The following ACYP2 variants were observed in gnomAD, a reference collection of about 807,000 sequenced individuals.
The protein encoded by ACYP2 is acylphosphatase-2.
A neutral mutation model predicts 11.2 loss-of-function variants in ACYP2; 12 were observed. The observed-to-expected ratio is 1.08, with a 90% CI of 0.69 to 1.74. The LOEUF is 1.74. ACYP2 is among the 40% of genes most tolerant of loss of function. The pLI, the probability that ACYP2 is intolerant of heterozygous loss-of-function variation, is 0.00. For missense variants in ACYP2, 134 were observed against 101.9 expected, an observed-to-expected ratio of 1.31 and a Z score of -1.35; for synonymous variants, 43 against 32.2, an observed-to-expected ratio of 1.33 and a Z score of -1.13.
At chr2:54,038,437 A>C (rs1008164488) in intron 2 of ACYP2, among the ~76,000 whole-genome samples, 1 of 151,876 alleles carries the variant, frequency 6.6e-6, no homozygotes, top group Non-Finnish European at 1.5e-5. Context: ...TATGTATTTT[A>C]TTTACTTAAC....
chr2:54,136,349 T>A (rs1270082840), intron 5 of ACYP2, among the ~76,000 whole-genome samples: 4 of 152,170 alleles, frequency 2.6e-5, no homozygotes, highest in East Asian at 3.8e-4. Context: ...TTAATTTTTT[T>A]AAAGTACTCC....
chr2:54,010,963 G>A (rs921077431), intron 2 of ACYP2, among the ~76,000 whole-genome samples: 3 of 151,716 alleles, frequency 2.0e-5, no homozygotes, highest in Admixed American at 1.3e-4. Context: ...ACTACCACAC[G>A]CGGCCCCTCC....
chr2:53,973,853 A>ATGTGTGTGTG (rs1327140471), intron 2 of ACYP2: 1 of 113,396 alleles, frequency 8.8e-6, no homozygotes, highest in Non-Finnish European at 1.5e-5. Context: ...TGGGATATAT[A>ATGTGTGTGTG]TATGTGTGTG....
At chr2:53,976,840 C>G (rs544550509) in intron 2 of ACYP2, among the ~76,000 whole-genome samples, 5 of 152,198 alleles carry the variant, frequency 3.3e-5, no homozygotes, top group African/African-American at 2.4e-5. Flanking sequence ...TTATTTTAGG[C>G]ATTTGTTAGG....
chr2:54,278,301 A>G (rs574252887), intron 6 of ACYP2, among the ~76,000 whole-genome samples: 130 of 152,330 alleles, frequency 8.5e-4, no homozygotes, highest in African/African-American at 3.1e-3. Context: ...TCAATAAACA[A>G]TGCCAGGTTT....
intron 4 of ACYP2, among the ~76,000 whole-genome samples, chr2:54,113,401 G>A (rs2103721909): frequency 6.6e-6 from 1 of 152,094 alleles, no homozygotes; most frequent in Middle Eastern, 3.4e-3. Context: ...GGCCACCACA[G>A]CCAGGTAATT....
chr2:54,300,610 G>T (rs925430616), intron 6 of ACYP2, among the ~76,000 whole-genome samples: 6 of 152,154 alleles, frequency 3.9e-5, no homozygotes, highest in African/African-American at 1.4e-4. Flanking sequence ...GTCCAATCTT[G>T]TCTCCTTTCC....
intron 6 of ACYP2, among the ~76,000 whole-genome samples, chr2:54,156,032 A>T (rs1224194886): frequency 2.6e-5 from 4 of 152,166 alleles, no homozygotes; most frequent in African/African-American, 9.6e-5. Context: ...TATATTTGAT[A>T]CCTTTTATAT....
chr2:53,976,318 C>T (rs112323211), intron 2 of ACYP2, among the ~76,000 whole-genome samples: 15,777 of 152,162 alleles, frequency 0.1, 1,076 homozygotes, highest in Middle Eastern at 0.21. Context: ...AGTGATTCTC[C>T]CACTTTGGCC....
chr2:54,239,001 C>A (rs1686618245), intron 6 of ACYP2, among the ~76,000 whole-genome samples: 1 of 151,820 alleles, frequency 6.6e-6, no homozygotes, highest in South Asian at 2.1e-4. Context: ...GGCAAAAATC[C>A]CAACTCTGGT....
chr2:54,206,892 GC>G (rs1685094310), intron 6 of ACYP2, among the ~76,000 whole-genome samples: 1 of 152,084 alleles, frequency 6.6e-6, no homozygotes, highest in Non-Finnish European at 1.5e-5. Context: ...TTTGATGGTA[GC>G]CAATGTTTTT....
intron 6 of ACYP2, among the ~76,000 whole-genome samples, chr2:54,165,523 T>TCACACA (rs1396260548): frequency 6.2e-5 from 8 of 128,720 alleles, no homozygotes; most frequent in African/African-American, 3.0e-4. Context: ...TCACTCTCTC[T>TCACACA]CTCTCTCTCT....
At chr2:54,122,543 A>G (rs574740033) in intron 4 of ACYP2, among the ~76,000 whole-genome samples, 17 of 152,364 alleles carry the variant, frequency 1.1e-4, no homozygotes, top group African/African-American at 3.4e-4. Flanking sequence ...AAGCCCATAG[A>G]TAAATCTCCT....
intron 2 of ACYP2, among the ~76,000 whole-genome samples, chr2:54,003,647 C>G (rs765618925): frequency 2.6e-5 from 4 of 152,170 alleles, no homozygotes; most frequent in African/African-American, 9.7e-5. Context: ...TGTAAGGTAT[C>G]TTGTTTTTTT....
intron 4 of ACYP2, 76 bp downstream of exon 1, chr2:54,115,832 A>C (rs947089347): frequency 1.9e-5 from 27 of 1,428,788 alleles, no homozygotes; most frequent in Admixed American, 2.8e-5. Context: ...AGCGCCTCCC[A>C]CCTAAAGTAT....
rs1169547989 is a variant in ACYP2 at position 54,219,905 on chromosome 2, A to ATTTTTT, written c.404+81168_404+81173dup. 9.9e-4 allele frequency among the ~76,000 whole-genome samples: 75 copies of ATTTTTT among 75,966 alleles called. 2 individuals are homozygous for ATTTTTT. The highest frequency in any genetic ancestry group is 1.2e-3 in the African/African-American group (21 of 17,838). The allele number at this position is 75,966 out of a possible 152,430, so 49.8% of individuals were successfully genotyped here. ...TGTATATATATATATATATATATAT[A>ATTTTTT]TTTTTTTTTTTTTTTTAGTAGAGAT... On this transcript the variant is annotated intron_variant, in intron 6 of 6. Coordinates refer to ENST00000607452, the MANE Select transcript of ACYP2 (RefSeq NM_001320586.2).
intron 6 of ACYP2, among the ~76,000 whole-genome samples, chr2:54,208,543 A>G (rs1685193969): frequency 6.6e-6 from 1 of 152,110 alleles, no homozygotes; most frequent in Non-Finnish European, 1.5e-5. Flanking sequence ...GCAGGAAATT[A>G]GCTTTTGTCC....
chr2:54,001,529 G>A (rs911223047), intron 2 of ACYP2, among the ~76,000 whole-genome samples: 2 of 152,252 alleles, frequency 1.3e-5, no homozygotes, highest in African/African-American at 4.8e-5. Flanking sequence ...AAGTAGCTGG[G>A]ATTACAGGTG....
intron 4 of ACYP2, among the ~76,000 whole-genome samples, chr2:54,108,451 C>A (rs144130542): frequency 2.0e-5 from 3 of 152,180 alleles, no homozygotes; most frequent in African/African-American, 7.2e-5. Context: ...CAAGCCCTTT[C>A]GGGAGTTTAA....
Sources: allele counts gnomAD v4.1 joint callset (sites outside exome capture counted in the v4.1 genomes callset), GRCh38; gene constraint gnomAD v4.1.1; transcripts MANE v1.5; gene names NCBI Gene and HGNC (gene_info 2026-07-23, HGNC 2026-07-21).